The following DPP10 variants were observed in gnomAD, a reference collection of about 807,000 sequenced individuals.
DPP10 encodes inactive dipeptidyl peptidase 10.
DPP10 carries 33 observed loss-of-function variants against 120.9 expected under a neutral mutation model. That is an observed-to-expected ratio of 0.27 (90% CI 0.21 to 0.37). The LOEUF (loss-of-function observed/expected upper bound fraction) is 0.37, where lower values mean the gene tolerates loss of function less well. Ranked by LOEUF, DPP10 falls within the 10% of genes least tolerant of loss-of-function variation. The pLI, the probability that DPP10 is intolerant of heterozygous loss-of-function variation, is 1.00. For missense variants in DPP10, 816 were observed against 942.8 expected (o/e 0.87, Z 1.76); for synonymous variants, 337 against 326.1 (o/e 1.03, Z -0.36).
intron 5 of DPP10, among the ~76,000 whole-genome samples, chr2:115,559,161 A>C (rs2080407844): frequency 6.6e-6 from 1 of 152,216 alleles, no homozygotes; most frequent in African/African-American, 2.4e-5. Flanking sequence ...TGAAATATTC[A>C]CTACATTACT....
chr2:115,693,164 A>G (rs1440666881), intron 7 of DPP10, among the ~76,000 whole-genome samples: 1 of 152,218 alleles, frequency 6.6e-6, no homozygotes, highest in African/African-American at 2.4e-5. Context: ...TTAACAAACA[A>G]TGCATTTAAT....
At chr2:114,903,060 C>G (rs764070056) in intron 1 of DPP10, among the ~76,000 whole-genome samples, 24 of 152,088 alleles carry the variant, frequency 1.6e-4, no homozygotes, top group Non-Finnish European at 2.8e-4. Flanking sequence ...AATATGTAGA[C>G]TTTTTATTGG....
At chr2:115,640,607 A>C (rs5000560) in intron 5 of DPP10, among the ~76,000 whole-genome samples, 3,238 of 152,204 alleles carry the variant, frequency 0.021, 101 homozygotes, top group African/African-American at 0.075. Flanking sequence ...TGGTTTTATG[A>C]AGGAATAGAT....
chr2:115,380,892 C>G (rs989137198), intron 3 of DPP10, among the ~76,000 whole-genome samples: 6 of 152,186 alleles, frequency 3.9e-5, no homozygotes, highest in African/African-American at 1.4e-4. Context: ...CCACTCTCTT[C>G]TGGCTTGTAG....
chr2:114,510,953 A>G (rs1388948155), intron 1 of DPP10, among the ~76,000 whole-genome samples: 3 of 152,230 alleles, frequency 2.0e-5, no homozygotes, highest in African/African-American at 4.8e-5. Context: ...GATACCAAAG[A>G]GCTTAAGTAT....
At chr2:115,212,261 C>T (rs537813062) in intron 1 of DPP10, among the ~76,000 whole-genome samples, 2 of 152,118 alleles carry the variant, frequency 1.3e-5, no homozygotes, top group African/African-American at 4.8e-5. Context: ...ATTACAGACT[C>T]TTTTGAAGAT....
At chr2:114,519,946 G>T (rs539846152) in intron 1 of DPP10, among the ~76,000 whole-genome samples, 2 of 151,940 alleles carry the variant, frequency 1.3e-5, no homozygotes, top group Admixed American at 6.6e-5. Context: ...TTGTTATAAA[G>T]ATACTCACAC....
rs532828488 is a variant in DPP10, at chr2:115,146,588, G to GA, written c.61-162639dup. 3.4e-3 allele frequency among the ~76,000 whole-genome samples: 473 copies of GA among 138,048 alleles called. 2 individuals are homozygous for GA. The highest frequency in any genetic ancestry group is 7.9e-3 in the East Asian group (38 of 4,812). The allele number at this position is 138,048 out of a possible 152,430, so 90.6% of individuals were successfully genotyped here. A position where few individuals can be genotyped will look rare whatever the true frequency, so the allele number is the denominator to read the frequency against. Reference sequence around the variant, plus strand: ...CTTAGAGATAAATTTGACAACAGGGGAAAAAAAAAAAACAACCTCGAGTCT... The same window carrying GA: ...CTTAGAGATAAATTTGACAACAGGGGAAAAAAAAAAAAACAACCTCGAGTCT... On this transcript the variant is annotated intron_variant, in intron 1 of 25. Transcript: ENST00000410059.
chr2:115,182,780 A>T (rs1309688820), intron 1 of DPP10, among the ~76,000 whole-genome samples: 1 of 152,176 alleles, frequency 6.6e-6, no homozygotes, highest in Non-Finnish European at 1.5e-5. Context: ...AACCTGAGTG[A>T]TGGGGGTTAC....
chr2:115,550,010 A>G (rs2079776786), intron 5 of DPP10, among the ~76,000 whole-genome samples: 2 of 152,060 alleles, frequency 1.3e-5, no homozygotes. Context: ...GAATATACAA[A>G]TCAACTCCAT....
Position 115,288,177 on chromosome 2 carries a change from A to G in DPP10, c.61-21062A>G, listed in dbSNP as rs1436058280. ...CCCTTTCTACGACATCTGCACCAAC[A>G]TTTACTGTTTTTTAATTTAAATTTT... On this transcript the variant is annotated intron_variant, in intron 1 of 25. Coordinates refer to ENST00000410059, the MANE Select transcript of DPP10 (RefSeq NM_020868.6). Among the ~76,000 whole-genome samples, 3 of 151,894 alleles carry G rather than the reference A, an allele frequency of 2.0e-5. No homozygotes were observed. The East Asian group carries it at 5.8e-4, about 29-fold the overall frequency.
chr2:115,578,023 T>C (rs1008532470), intron 5 of DPP10, among the ~76,000 whole-genome samples: 1 of 152,134 alleles, frequency 6.6e-6, no homozygotes, highest in African/African-American at 2.4e-5. Flanking sequence ...ATTATGACAG[T>C]CATAACTTTA....
chr2:115,200,245 G>C (rs2055601095), intron 1 of DPP10, among the ~76,000 whole-genome samples: 1 of 152,180 alleles, frequency 6.6e-6, no homozygotes, highest in South Asian at 2.1e-4. Flanking sequence ...TGCTGTGTTT[G>C]AAGAATGAAA....
At chr2:114,561,054 C>G (rs1285543945) in intron 1 of DPP10, among the ~76,000 whole-genome samples, 2 of 152,180 alleles carry the variant, frequency 1.3e-5, no homozygotes, top group African/African-American at 2.4e-5. Flanking sequence ...ACAGCACCCC[C>G]TTTCTCCTGC....
chr2:115,471,358 T>A (rs1162776641), intron 3 of DPP10, among the ~76,000 whole-genome samples: 1 of 152,148 alleles, frequency 6.6e-6, no homozygotes, highest in Admixed American at 6.5e-5. Flanking sequence ...ATTTCTTCTC[T>A]TTGAATATTG....
chr2:115,118,501 GA>G (rs2049645606), intron 1 of DPP10, among the ~76,000 whole-genome samples: 1 of 152,166 alleles, frequency 6.6e-6, no homozygotes, highest in African/African-American at 2.4e-5. Context: ...CTAACTGGAG[GA>G]AAAAATTTGG....
chr2:114,652,716 C>A (rs1696683215), intron 1 of DPP10, among the ~76,000 whole-genome samples: 1 of 152,136 alleles, frequency 6.6e-6, no homozygotes, highest in Admixed American at 6.5e-5. Flanking sequence ...TATGCTCTTT[C>A]TTGATCCATT....
At chr2:115,339,721 G>A (rs1342624044) in intron 2 of DPP10, among the ~76,000 whole-genome samples, 1 of 152,020 alleles carries the variant, frequency 6.6e-6, no homozygotes, top group Non-Finnish European at 1.5e-5. Flanking sequence ...GCTTAGGTAT[G>A]GTATGATTGT....
At chr2:114,991,512 A>G (rs916362994) in intron 1 of DPP10, among the ~76,000 whole-genome samples, 3 of 152,234 alleles carry the variant, frequency 2.0e-5, no homozygotes, top group Non-Finnish European at 2.9e-5. Context: ...TTCTCCCACA[A>G]CATGATACAA....
Sources: gnomAD v4.1 joint callset for allele counts (sites outside exome capture counted in the v4.1 genomes callset) on GRCh38, gnomAD v4.1.1 for gene constraint, MANE v1.5 for transcripts, NCBI Gene and HGNC (gene_info 2026-07-23, HGNC 2026-07-21) for gene names.